LIPC: variants seen among roughly 807,000 people sequenced by gnomAD.
LIPC encodes the protein hepatic triacylglycerol lipase.
A neutral mutation model predicts 50.7 loss-of-function variants in LIPC; 44 were observed. The ratio of observed to expected loss-of-function variants is 0.87; its 90% CI spans 0.68 to 1.11. The LOEUF is 1.11. Among genes scored for constraint, LIPC ranks in the 50% most tolerant of loss-of-function variants. LIPC has a pLI of 0.00. For missense variants in LIPC, 697 were observed against 648.2 expected (o/e 1.08, Z -0.82); for synonymous variants, 271 against 256.4 (o/e 1.06, Z -0.54).
chr15:58,475,682 G>A (rs1260961458), intron 1 of LIPC, among the ~76,000 whole-genome samples: 1 of 152,194 alleles, frequency 6.6e-6, no homozygotes, highest in African/African-American at 2.4e-5. Context: ...CCGTGAATAA[G>A]TGGCTTCCTG....
intron 1 of LIPC, among the ~76,000 whole-genome samples, chr15:58,446,320 G>A (rs550251478): frequency 6.6e-6 from 1 of 152,212 alleles, no homozygotes; most frequent in East Asian, 1.9e-4. Flanking sequence ...TCATGCCTCA[G>A]CCTCCTGAGT....
chr15:58,507,553 A>G (rs560283096), intron 1 of LIPC, among the ~76,000 whole-genome samples: 91 of 152,370 alleles, frequency 6.0e-4, no homozygotes, highest in African/African-American at 2.1e-3. Flanking sequence ...TTGGAAAACG[A>G]AAAGAGCTCA....
At chr15:58,432,179 C>A (rs999971544) in intron 1 of LIPC, 59 bp downstream of exon 1, 6 of 1,256,008 alleles carry the variant, frequency 4.8e-6, no homozygotes, top group Non-Finnish European at 7.0e-6. Context: ...AAACGTGTGT[C>A]ACAAAGAATC....
At chr15:58,556,058 G>A (rs1360076959) in intron 6 of LIPC, among the ~76,000 whole-genome samples, 1 of 152,200 alleles carries the variant, frequency 6.6e-6, no homozygotes, top group Non-Finnish European at 1.5e-5. Context: ...GGTAGAGGGA[G>A]CAGATGGGCA....
chr15:58,434,034 C>T (rs1190145693), intron 1 of LIPC, among the ~76,000 whole-genome samples: 1 of 151,958 alleles, frequency 6.6e-6, no homozygotes, highest in Non-Finnish European at 1.5e-5. Context: ...GGCAATTTTG[C>T]CCTCCAGGGG....
chr15:58,543,620 T>C (rs1893416115), intron 4 of LIPC, among the ~76,000 whole-genome samples: 2 of 152,190 alleles, frequency 1.3e-5, no homozygotes, highest in Admixed American at 6.5e-5. Flanking sequence ...TGCGAATTTA[T>C]ATTTTATCAA....
At chr15:58,476,578 A>G (rs1891007083) in intron 1 of LIPC, among the ~76,000 whole-genome samples, 1 of 152,198 alleles carries the variant, frequency 6.6e-6, no homozygotes, top group Non-Finnish European at 1.5e-5. Flanking sequence ...AAACTCAGGC[A>G]TGGGGTCAGC....
At chr15:58,565,325 C>T (rs1220753202) in intron 8 of LIPC, 1 of 1,534,582 alleles carries the variant, frequency 6.5e-7, no homozygotes, top group Non-Finnish European at 8.7e-7. Flanking sequence ...AGAGTAATTC[C>T]TCAGTTTAGG....
At chr15:58,535,684 C>G (rs542417292) in intron 1 of LIPC, among the ~76,000 whole-genome samples, 29 of 152,332 alleles carry the variant, frequency 1.9e-4, no homozygotes, top group African/African-American at 7.0e-4. Context: ...GGTACTTATT[C>G]TAACAACGCT....
chr15:58,525,685 C>T (rs1449970471), intron 1 of LIPC, among the ~76,000 whole-genome samples: 1 of 146,260 alleles, frequency 6.8e-6, no homozygotes, highest in African/African-American at 2.8e-5. Context: ...GAGGTTTGGA[C>T]TTTGCCCTGA....
At chr15:58,464,415 G>A (rs181595316) in intron 1 of LIPC, among the ~76,000 whole-genome samples, 3 of 152,312 alleles carry the variant, frequency 2.0e-5, no homozygotes, top group Admixed American at 1.3e-4. Context: ...GTTCAACAGA[G>A]CTTTTCATTA....
intron 1 of LIPC, among the ~76,000 whole-genome samples, chr15:58,470,622 C>G (rs1323613411): frequency 7.7e-6 from 1 of 130,444 alleles, no homozygotes. Context: ...TTGGTAGAGA[C>G]GAAATCTCGC....
At chr15:58,556,881 T>C (rs1174404925) in intron 6 of LIPC, among the ~76,000 whole-genome samples, 1 of 152,232 alleles carries the variant, frequency 6.6e-6, no homozygotes, top group Non-Finnish European at 1.5e-5. Flanking sequence ...AGGCATCTTA[T>C]AAAGTTGTTG....
chr15:58,493,362 G>A lies in LIPC; in HGVS notation c.89-44971G>A, dbSNP rs188166046. 3.7e-3 allele frequency among the ~76,000 whole-genome samples: 557 copies of A among 152,184 alleles called. 2 individuals are homozygous for A. Among genetic ancestry groups the A allele is most frequent in the South Asian group, 5.0e-3 (24 of 4,824 alleles). ...AATTATGTCACAAAACTGGGGCATC[G>A]TAGGGAACCTAGGAAAACAGACAAG... On this transcript the variant is annotated intron_variant, in intron 1 of 8. Coordinates refer to ENST00000299022, the MANE Select transcript of LIPC (RefSeq NM_000236.3).
chr15:58,506,465 C>A lies in LIPC; in HGVS notation c.89-31868C>A, dbSNP rs560153645. On this transcript the variant is annotated intron_variant, in intron 1 of 8. Coordinates refer to ENST00000299022, the MANE Select transcript of LIPC (RefSeq NM_000236.3). ...TCAGGAGAGAGGCCTTTGACCAGGGCAAAGCAGGTGCTGATGAGAAGGCAC... is the reference window on the plus strand; with the variant it reads ...TCAGGAGAGAGGCCTTTGACCAGGGAAAAGCAGGTGCTGATGAGAAGGCAC... Among the ~76,000 whole-genome samples the A allele has an allele frequency of 1.8e-4, 27 of 152,284 alleles. No individual in the cohort carries two copies. The South Asian group carries it at 4.8e-3, about 27-fold the overall frequency.
intron 7 of LIPC, among the ~76,000 whole-genome samples, chr15:58,562,809 C>CCA (rs1323346626): frequency 2.0e-5 from 3 of 151,636 alleles, no homozygotes; most frequent in South Asian, 2.1e-4. Context: ...CAAGGGACCC[C>CCA]CCCCCAACCC....
chr15:58,467,325 T>G (rs1436321950), intron 1 of LIPC, among the ~76,000 whole-genome samples: 1 of 152,222 alleles, frequency 6.6e-6, no homozygotes, highest in African/African-American at 2.4e-5. Context: ...GAGCAGAACC[T>G]TTGCTTGCGG....
rs1894328404 is a variant in LIPC, at chr15:58,565,342, C to T, written c.1388+1619C>T. 6 of 1,530,646 alleles carry T rather than the reference C, an allele frequency of 3.9e-6. No homozygotes were observed. The African/African-American group carries it at 6.9e-5, about 17-fold the overall frequency. The allele number at this position is 1,530,646 out of a possible 1,614,324, so 94.8% of individuals were successfully genotyped here. On this transcript the variant is annotated intron_variant, in intron 8 of 8. Coordinates refer to ENST00000299022, the MANE Select transcript of LIPC (RefSeq NM_000236.3). ...AGTAATTCCTCAGTTTAGGTGGCTG[C>T]TCACCCTGACAATCCCATGTGGCTT...
At chr15:58,568,671 C>A (rs1165158389) in intron 8 of LIPC, 45 bp from the exon 9 acceptor site, 1 of 1,071,402 alleles carries the variant, frequency 9.3e-7, no homozygotes, top group South Asian at 1.3e-5. Context: ...TCAATAAGCT[C>A]CACCTAAAAC....
Sources: gnomAD v4.1 joint callset for allele counts (sites outside exome capture counted in the v4.1 genomes callset) on GRCh38, gnomAD v4.1.1 for gene constraint, MANE v1.5 for transcripts, NCBI Gene and HGNC (gene_info 2026-07-23, HGNC 2026-07-21) for gene names.